ADAM12: variants seen among roughly 807,000 people sequenced by gnomAD.
ADAM12 encodes the protein ADAM metallopeptidase domain 12.
ADAM12 carries 70 observed loss-of-function variants against 106.4 expected under a neutral mutation model. The observed-to-expected ratio is 0.66, with a 90% CI of 0.54 to 0.80. The LOEUF (loss-of-function observed/expected upper bound fraction) is 0.80, where lower values mean the gene tolerates loss of function less well. ADAM12 is among the 30% of genes least tolerant of loss of function. ADAM12 has a pLI of 0.00. For synonymous variants in ADAM12, 420 were observed against 433.5 expected (o/e 0.97, Z 0.39); for missense variants, 1,010 against 1,171.9 (o/e 0.86, Z 2.02).
intron 2 of ADAM12, among the ~76,000 whole-genome samples, chr10:126,323,673 G>A (rs1854191596): frequency 6.6e-6 from 1 of 152,162 alleles, no homozygotes; most frequent in South Asian, 2.1e-4. Context: ...GGCTGGTTGG[G>A]AGAAGCAGGG....
chr10:126,366,334 A>G (rs1855909156), intron 1 of ADAM12, among the ~76,000 whole-genome samples: 1 of 152,192 alleles, frequency 6.6e-6, no homozygotes, highest in African/African-American at 2.4e-5. Context: ...TATTAATTCC[A>G]TGCAGCCTTT....
chr10:126,031,849 G>A (rs977054664), intron 21 of ADAM12, among the ~76,000 whole-genome samples: 1 of 152,164 alleles, frequency 6.6e-6, no homozygotes, highest in Admixed American at 6.5e-5. Context: ...AAGATGCAGT[G>A]AACAGCTAGA....
In ADAM12 at chr10:126,388,216, A is replaced by G; in HGVS notation, c.-71T>C. The G allele has an allele frequency of 8.4e-7, 1 of 1,193,828 alleles. No homozygotes were observed. The highest frequency in any genetic ancestry group is 1.0e-6 in the Non-Finnish European group (1 of 963,402). 74.0% of individuals were successfully genotyped at this position (1,193,828 alleles called of 1,614,324 possible). On this transcript the variant is annotated 5_prime_UTR_variant, in exon 1 of 23. Transcript: ENST00000448723. This position sits in a 1 kb window ranked among gnomAD's most constrained non-coding sequence, Gnocchi z 4.4. ...GCTGCACCATCCCACGCGGGCGCCGAGCCGGGGCCGGGCGTCGCGACCGGA... is the reference window on the plus strand; with the variant it reads ...GCTGCACCATCCCACGCGGGCGCCGGGCCGGGGCCGGGCGTCGCGACCGGA...
At chr10:126,103,668 G>C (rs1001838167) in intron 8 of ADAM12, among the ~76,000 whole-genome samples, 2 of 152,102 alleles carry the variant, frequency 1.3e-5, no homozygotes, top group South Asian at 4.2e-4. Flanking sequence ...CTTCCAAGAC[G>C]GCCCACTGTG....
chr10:126,237,628 A>G (rs1377855834), intron 3 of ADAM12, among the ~76,000 whole-genome samples: 2 of 152,064 alleles, frequency 1.3e-5, no homozygotes, highest in African/African-American at 2.4e-5. Flanking sequence ...CTGGGCTGTG[A>G]TCCTTATTAT....
chr10:126,303,286 G>C (rs1482836572), intron 2 of ADAM12, among the ~76,000 whole-genome samples: 1 of 152,158 alleles, frequency 6.6e-6, no homozygotes, highest in Non-Finnish European at 1.5e-5. Flanking sequence ...AACAACAGCT[G>C]TTTTTATTGC....
chr10:126,202,033 A>C (rs977357851), intron 3 of ADAM12, among the ~76,000 whole-genome samples: 3 of 152,228 alleles, frequency 2.0e-5, no homozygotes, highest in African/African-American at 7.2e-5. Context: ...TGCAACGCAC[A>C]GGATGTACAG....
chr10:126,065,560 G>C (rs1954849888), intron 13 of ADAM12, among the ~76,000 whole-genome samples: 1 of 152,304 alleles, frequency 6.6e-6, no homozygotes, highest in Middle Eastern at 3.4e-3. Context: ...AAGGATGTTA[G>C]AAGCCATCTG....
At chr10:126,098,579 A>G in intron 9 of ADAM12, 79 bp from the exon 10 acceptor site, 1 of 1,204,024 alleles carries the variant, frequency 8.3e-7, no homozygotes, top group Non-Finnish European at 1.2e-6. Flanking sequence ...TCTGTTGGAT[A>G]TTCCTGCAAT....
Position 126,032,048 on chromosome 10 carries a change from A to ATAAG in ADAM12, c.2529+4094_2529+4097dup, listed in dbSNP as rs58368945. ...ACATTCATTCAGCTCTCCTTCATTT[A>ATAAG]TAAGTCAAACAGAACATTTATAGAA... On this transcript the variant is annotated intron_variant, in intron 21 of 22. Transcript: ENST00000448723. Among the ~76,000 whole-genome samples, 755 of 152,336 alleles carry ATAAG rather than the reference A, an allele frequency of 5.0e-3. 6 individuals are homozygous for ATAAG. Among genetic ancestry groups the ATAAG allele is most frequent in the African/African-American group, 0.017 (689 of 41,586 alleles).
At chr10:126,085,049 T>C (rs914318955) in intron 11 of ADAM12, among the ~76,000 whole-genome samples, 3 of 152,234 alleles carry the variant, frequency 2.0e-5, no homozygotes, top group South Asian at 2.1e-4. Context: ...GATTTGATAT[T>C]TTTGATCTCT....
At chr10:126,144,054 C>A (rs1213941770) in intron 4 of ADAM12, among the ~76,000 whole-genome samples, 2 of 152,190 alleles carry the variant, frequency 1.3e-5, no homozygotes, top group African/African-American at 4.8e-5. Flanking sequence ...ATGTCCATAA[C>A]AAGAACCATG....
At chr10:126,331,782 C>T (rs1206188060) in intron 1 of ADAM12, among the ~76,000 whole-genome samples, 1 of 152,122 alleles carries the variant, frequency 6.6e-6, no homozygotes, top group African/African-American at 2.4e-5. Context: ...TGTGGATGGG[C>T]TGAGTCTTCA....
chr10:126,377,150 T>C (rs1264926858), intron 1 of ADAM12, among the ~76,000 whole-genome samples: 1 of 152,208 alleles, frequency 6.6e-6, no homozygotes, highest in Admixed American at 6.5e-5. Context: ...AGGAGCCAGG[T>C]GGCAGAGCTG....
chr10:126,311,275 A>G (rs1250897751), intron 2 of ADAM12, among the ~76,000 whole-genome samples: 2 of 152,220 alleles, frequency 1.3e-5, no homozygotes, highest in Non-Finnish European at 2.9e-5. Flanking sequence ...ATACAGAAGT[A>G]TAACTGGGGC....
intron 3 of ADAM12, among the ~76,000 whole-genome samples, chr10:126,242,329 G>A (rs942588359): frequency 4.6e-5 from 7 of 152,140 alleles, no homozygotes; most frequent in Non-Finnish European, 5.9e-5. Context: ...AAAATCAGAC[G>A]TTTATTCCTA....
chr10:126,056,374 G>C (rs1025992009), intron 14 of ADAM12, among the ~76,000 whole-genome samples: 1 of 152,162 alleles, frequency 6.6e-6, no homozygotes. Flanking sequence ...ACGGGGATAG[G>C]ACAGATGCAT....
intron 5 of ADAM12, chr10:126,135,334 C>T (rs749979560): frequency 4.5e-5 from 21 of 470,630 alleles, no homozygotes; most frequent in East Asian, 9.5e-5. Context: ...CCAGTTCAGT[C>T]GCTTTTACCC....
chr10:126,266,673 G>A (rs1959103629), intron 3 of ADAM12, among the ~76,000 whole-genome samples: 1 of 152,190 alleles, frequency 6.6e-6, no homozygotes, highest in African/African-American at 2.4e-5. Context: ...TCATGGTTCT[G>A]CAAGCTGTAC....
Sources: allele counts gnomAD v4.1 joint callset (sites outside exome capture counted in the v4.1 genomes callset), GRCh38; gene constraint gnomAD v4.1.1; non-coding constraint Gnocchi (gnomAD v3.1); transcripts MANE v1.5; gene names NCBI Gene and HGNC (gene_info 2026-07-23, HGNC 2026-07-21).